Variants in WARS1 observed in about 807,000 individuals in gnomAD.
The protein encoded by WARS1 is tryptophanyl-tRNA synthetase 1, also known as tryptophan--tRNA ligase, cytoplasmic.
A neutral mutation model predicts 47.8 loss-of-function variants in WARS1; 17 were observed. The observed-to-expected ratio is 0.36, with a 90% CI of 0.24 to 0.53. The LOEUF is 0.53. Among genes scored for constraint, WARS1 ranks in the 20% least tolerant of loss-of-function variants. The pLI, the probability that WARS1 is intolerant of heterozygous loss-of-function variation, is 0.91. For synonymous variants in WARS1, 208 were observed against 228.1 expected (o/e 0.91, Z 0.79); for missense variants, 434 against 608.0 (o/e 0.71, Z 3.01).
At chr14:100,360,088 C>T (rs1013355033) in intron 4 of WARS1, among the ~76,000 whole-genome samples, 2 of 152,110 alleles carry the variant, frequency 1.3e-5, no homozygotes, top group African/African-American at 4.8e-5. Context: ...GAATTTACGG[C>T]CTAAGGTACA....
chr14:100,356,366 T>C (rs1462274059), intron 4 of WARS1, among the ~76,000 whole-genome samples: 1 of 133,026 alleles, frequency 7.5e-6, no homozygotes, highest in Non-Finnish European at 1.6e-5. Flanking sequence ...TAGTAAACTT[T>C]GAACCAAAGT....
intron 6 of WARS1, among the ~76,000 whole-genome samples, chr14:100,347,815 G>T (rs558355386): frequency 6.6e-6 from 1 of 152,324 alleles, no homozygotes; most frequent in African/African-American, 2.4e-5. Context: ...GACCTCAGGT[G>T]ATCCACCTGC....
intron 1 of WARS1, among the ~76,000 whole-genome samples, chr14:100,372,924 G>T (rs3783347): frequency 0.16 from 23,812 of 152,152 alleles, 2,279 homozygotes; most frequent in Non-Finnish European, 0.22. Context: ...GAACTCTGCT[G>T]ATTGATTATC....
At chr14:100,350,407 A>AAAAAG (rs890229775) in intron 6 of WARS1, among the ~76,000 whole-genome samples, 1 of 150,462 alleles carries the variant, frequency 6.6e-6, no homozygotes, top group African/African-American at 2.4e-5. Context: ...AAGAAAAAAA[A>AAAAAG]AAAAAAAAAG....
intron 2 of WARS1, chr14:100,366,099 CAG>C (rs750663316): frequency 1.9e-4 from 88 of 455,962 alleles, no homozygotes; most frequent in South Asian, 1.1e-3. Context: ...CAAGAGAGGA[CAG>C]AGTTACAGGT....
At chr14:100,335,458 A>G (rs1332301377) in intron 10 of WARS1, among the ~76,000 whole-genome samples, 1 of 151,692 alleles carries the variant, frequency 6.6e-6, no homozygotes, top group Non-Finnish European at 1.5e-5. Context: ...GCTCACTGCA[A>G]CCTCCGCCTC....
rs535638524 is a variant in WARS1 at position 100,337,070 on chromosome 14, T to G, written c.1246A>C (p.Ile416Leu). 5 of 1,613,766 alleles carry G rather than the reference T, an allele frequency of 3.1e-6. No homozygotes were observed. The highest frequency in any genetic ancestry group is 3.3e-5 in the Admixed American group (2 of 60,026). The stretch of plus-strand genomic sequence containing the variant: ...TGGGGTTCCCTGCTCACCTTCCTGA[T>G]CTGCTCGAGCTTGTCGTCGTCCTCG... ...FLEDDDKLEQ[I>L]RKDYTSGAML... The change falls in exon 10 of 11, where the codon ATC becomes CTC. Residue 416 changes from isoleucine (I) to leucine (L), a missense_variant. Ile to Leu is a conservative substitution (Grantham distance 5). Coordinates refer to ENST00000392882, the MANE Select transcript of WARS1 (RefSeq NM_004184.4).
chr14:100,361,988 T>C lies in WARS1; in HGVS notation c.100-67A>G, dbSNP rs959253794. The C allele has an allele frequency of 4.6e-6, 7 of 1,518,948 alleles. No individual in the cohort carries two copies. In the African/African-American group the frequency reaches 9.6e-5, roughly 21 times the overall value. The allele number at this position is 1,518,948 out of a possible 1,614,324, so 94.1% of individuals were successfully genotyped here. On this transcript the variant is annotated intron_variant, in intron 2 of 10. Coordinates refer to ENST00000392882, the MANE Select transcript of WARS1 (RefSeq NM_004184.4). ...TAGCTGATATGTGCTGAATGCCTAT[T>C]CTGTGGCAGGCACTGTGTTAAATGC...
intron 6 of WARS1, 109 bp from the exon 7 acceptor site, chr14:100,346,955 G>A (rs774388137): frequency 3.9e-5 from 37 of 944,048 alleles, no homozygotes; most frequent in South Asian, 5.6e-5. Context: ...GGCCAGACTC[G>A]GGGCCACATT....
chr14:100,368,957 C>G (rs1896173653), intron 2 of WARS1, 130 bp downstream of exon 2: 1 of 539,150 alleles, frequency 1.9e-6, no homozygotes. Context: ...GTGAAATTCC[C>G]TCTCAAAAAA....
chr14:100,358,576 T>C (rs1043274637), intron 4 of WARS1, among the ~76,000 whole-genome samples: 1 of 152,132 alleles, frequency 6.6e-6, no homozygotes, highest in African/African-American at 2.4e-5. Context: ...ACCACAAAAC[T>C]CTGAGAAGAA....
In WARS1 at chr14:100,353,765, A is replaced by G. The variant is rs1360717395; in HGVS notation, c.647T>C (p.Val216Ala). ...GGCGATGATGTCCTTGGCATTCTCC[A>G]CAGCATAGCTATAGGCCTGGTCCAG... ...LTLDQAYSYA[V>A]ENAKDIIACG... The change falls in exon 6 of 11, where the codon GTG (valine) becomes GCG (alanine). Residue 216 changes from valine (V) to alanine (A), a missense_variant. Physicochemically the swap from Val to Ala is moderately conservative, Grantham distance 64. This residue lies in a region of WARS1 where 347 missense variants were observed against 523.8 expected (regional missense o/e 0.66). Transcript: ENST00000392882. 6.2e-7 allele frequency: 1 copy of G among 1,614,052 alleles called. No homozygotes were observed. The highest frequency in any genetic ancestry group is 8.5e-7 in the Non-Finnish European group (1 of 1,180,036).
intron 1 of WARS1, among the ~76,000 whole-genome samples, chr14:100,371,447 C>CAAAAAAAGAAAAAAAAAAAAAAAAA (rs1896340491): frequency 1.1e-5 from 1 of 89,100 alleles, no homozygotes; most frequent in Non-Finnish European, 2.9e-5. Flanking sequence ...GGTTCTGTCT[C>CAAAAAAAGAAAAAAAAAAAAAAAAA]AAAAAAAAAA....
chr14:100,345,232 C>G (rs12880761), intron 7 of WARS1, among the ~76,000 whole-genome samples: 1 of 150,096 alleles, frequency 6.7e-6, no homozygotes, highest in Non-Finnish European at 1.5e-5. Context: ...AATAGAAAGG[C>G]GGGAAAGGTG....
Position 100,334,930 on chromosome 14 carries a change from T to G in WARS1, c.1361A>C (p.Asp454Ala). ...AGTCATGAACTCTTTCACTATCTCA[T>G]CCGTGACCTCCTTGCGCCGGGCCTG... is the stretch of plus-strand genomic sequence containing the variant. ...EHQARRKEVT[D>A]EIVKEFMTPR... The change falls in exon 11 of 11, where the codon GAT (aspartate) becomes GCT (alanine). Residue 454 changes from aspartate to alanine, a missense_variant. Physicochemically the swap from Asp to Ala is moderately radical, Grantham distance 126. This residue lies in a region of WARS1 where 347 missense variants were observed against 523.8 expected (regional missense o/e 0.66). Coordinates refer to ENST00000392882, the MANE Select transcript of WARS1 (RefSeq NM_004184.4). 2 of 1,614,188 alleles carry G rather than the reference T, an allele frequency of 1.2e-6. No individual in the cohort carries two copies. Among genetic ancestry groups the G allele is most frequent in the South Asian group, 2.2e-5 (2 of 91,086 alleles).
chr14:100,356,089 A>G (rs1895293507), intron 4 of WARS1, among the ~76,000 whole-genome samples: 1 of 152,164 alleles, frequency 6.6e-6, no homozygotes, highest in South Asian at 2.1e-4. Flanking sequence ...AGACTCATTC[A>G]GCTACTAAGG....
chr14:100,356,905 C>T (rs1207157130), intron 4 of WARS1, among the ~76,000 whole-genome samples: 1 of 152,108 alleles, frequency 6.6e-6, no homozygotes, highest in African/African-American at 2.4e-5. Flanking sequence ...CCAAATCCAG[C>T]AACATATAAA....
chr14:100,350,596 A>G (rs1342948158), intron 6 of WARS1, among the ~76,000 whole-genome samples: 4 of 152,056 alleles, frequency 2.6e-5, no homozygotes, highest in Non-Finnish European at 5.9e-5. Context: ...TCGTGCATCT[A>G]TTGGCTGAAT....
chr14:100,342,076 C>T, intron 9 of WARS1: 1 of 351,064 alleles, frequency 2.8e-6, no homozygotes, highest in Non-Finnish European at 5.6e-6. Flanking sequence ...ATAACATCCA[C>T]ACTAATTATA....
Sources: allele counts gnomAD v4.1 joint callset (sites outside exome capture counted in the v4.1 genomes callset), GRCh38; gene constraint gnomAD v4.1.1; regional missense constraint gnomAD v4.1.1; transcripts MANE v1.5; gene names NCBI Gene and HGNC (gene_info 2026-07-23, HGNC 2026-07-21).